Variants in CASP6 observed in about 807,000 individuals in gnomAD.
CASP6 encodes caspase 6.
Under a neutral mutation model 31.8 loss-of-function variants are expected in CASP6, and 20 were observed. The ratio of observed to expected loss-of-function variants is 0.63; its 90% CI spans 0.44 to 0.91. The LOEUF (loss-of-function observed/expected upper bound fraction) is 0.91, where lower values mean the gene tolerates loss of function less well. CASP6 is among the 40% of genes least tolerant of loss of function. CASP6 has a pLI of 0.00. For synonymous variants in CASP6, 130 were observed against 127.8 expected (o/e 1.02, Z -0.12); for missense variants, 328 against 361.1 (o/e 0.91, Z 0.74).
chr4:109,701,698 C>CG (rs1561263748), intron 1 of CASP6, among the ~76,000 whole-genome samples: 1 of 152,200 alleles, frequency 6.6e-6, no homozygotes, highest in African/African-American at 2.4e-5. Flanking sequence ...TCACCTCACT[C>CG]TAATTTGATA....
downstream of CASP6, chr4:109,684,826 T>C (rs779685425): frequency 3.9e-5 from 20 of 518,568 alleles, no homozygotes; most frequent in Non-Finnish European, 6.4e-5. Context: ...AGAGAAATTA[T>C]ATATAACTTC....
downstream of CASP6, chr4:109,684,702 A>C: frequency 3.6e-6 from 3 of 822,812 alleles, no homozygotes; most frequent in Non-Finnish European, 6.0e-6. Context: ...AGAATGTCTT[A>C]TCTAAGCAAT....
At chr4:109,687,576 T>C, downstream of CASP6, 1 of 1,608,062 alleles carries the variant, frequency 6.2e-7, no homozygotes, top group Non-Finnish European at 8.5e-7. Flanking sequence ...GTAGAAGAAC[T>C]CAATGAAAAG....
At chr4:109,700,654 G>A (rs1730392508) in intron 1 of CASP6, among the ~76,000 whole-genome samples, 2 of 152,014 alleles carry the variant, frequency 1.3e-5, no homozygotes, top group African/African-American at 4.8e-5. Flanking sequence ...CCTAGGCTCT[G>A]GACATCCCAA....
chr4:109,690,406 C>G (rs1362155142), intron 6 of CASP6, among the ~76,000 whole-genome samples: 2 of 151,704 alleles, frequency 1.3e-5, no homozygotes, highest in African/African-American at 4.8e-5. Context: ...GCCTATAGTC[C>G]CAGCTACAGG....
the CASP6 span, among the ~76,000 whole-genome samples, chr4:109,669,039 T>C: frequency 6.6e-6 from 1 of 152,140 alleles, no homozygotes; most frequent in Admixed American, 6.5e-5. Flanking sequence ...CATTATTCTT[T>C]TGAACCGACT....
intron 3 of CASP6, 133 bp from the exon 4 acceptor site, chr4:109,696,619 A>G (rs1343587746): frequency 1.7e-6 from 1 of 591,442 alleles, no homozygotes; most frequent in African/African-American, 1.9e-5. Context: ...AATGAAATAT[A>G]ACAATGGTGG....
chr4:109,681,672 G>A, the CASP6 span, among the ~76,000 whole-genome samples: 8 of 152,318 alleles, frequency 5.3e-5, no homozygotes, highest in South Asian at 8.3e-4. Flanking sequence ...GCACTTAGCC[G>A]TGCAGGAACA....
At chr4:109,676,686 A>G in the CASP6 span, among the ~76,000 whole-genome samples, 2 of 152,356 alleles carry the variant, frequency 1.3e-5, no homozygotes, top group Admixed American at 6.5e-5. Flanking sequence ...TTCTGCTGCA[A>G]TAGCAGAATA....
chr4:109,668,080 G>A, the CASP6 span, among the ~76,000 whole-genome samples: 14 of 152,122 alleles, frequency 9.2e-5, 1 homozygote, highest in East Asian at 2.7e-3. Context: ...TTGATGAGAT[G>A]TTCCCTGTGA....
intron 1 of CASP6, among the ~76,000 whole-genome samples, chr4:109,703,130 G>A (rs1477476892): frequency 2.6e-5 from 4 of 152,280 alleles, no homozygotes; most frequent in African/African-American, 9.6e-5. Flanking sequence ...ACCGCCAGGA[G>A]GCGGCAGCCA....
intron 5 of CASP6, 83 bp downstream of exon 5, chr4:109,694,442 C>T (rs894939039): frequency 1.6e-6 from 2 of 1,277,734 alleles, no homozygotes; most frequent in Non-Finnish European, 2.1e-6. Flanking sequence ...GAGAAAGTTA[C>T]TTTCAAAACT....
chr4:109,706,588 T>A (rs1730624266), upstream of CASP6, among the ~76,000 whole-genome samples: 1 of 152,126 alleles, frequency 6.6e-6, no homozygotes, highest in African/African-American at 2.4e-5. Context: ...GTGGATAAAA[T>A]GCTACCAAAC....
downstream of CASP6, among the ~76,000 whole-genome samples, chr4:109,684,083 C>T (rs1310896886): frequency 1.4e-5 from 2 of 138,140 alleles, no homozygotes; most frequent in Admixed American, 1.4e-4. Flanking sequence ...TTTTTTTTGA[C>T]GCAGAGTCTT....
At chr4:109,703,330 G>C (rs1454561621) in intron 1 of CASP6, 26 bp downstream of exon 1, 2 of 1,601,270 alleles carry the variant, frequency 1.2e-6, no homozygotes, top group Non-Finnish European at 1.7e-6. Context: ...GACCTGCTCG[G>C]TGCCCAGTCG....
downstream of CASP6, chr4:109,684,754 GT>G (rs1441157016): frequency 2.9e-5 from 18 of 620,268 alleles, no homozygotes; most frequent in Admixed American, 3.3e-4. Context: ...CTGCCATCTG[GT>G]TTTTATGAGC....
At chr4:109,686,482 T>C (rs1729840158), downstream of CASP6, among the ~76,000 whole-genome samples, 1 of 152,218 alleles carries the variant, frequency 6.6e-6, no homozygotes, top group African/African-American at 2.4e-5. Flanking sequence ...AGTCATTCTA[T>C]AGGAAAAATA....
At position 109,694,834 on chromosome 4, in the gene CASP6, CT is replaced by C; in HGVS notation, c.308-135del. On this transcript the variant is annotated intron_variant, in intron 4 of 6. Coordinates refer to ENST00000265164, the MANE Select transcript of CASP6 (RefSeq NM_001226.4). ...GGAGGAGGAAAATTTGTGGTTTTGTCTTTTTTGTTTTTTTGAGACAGAGTTT... is the reference window on the plus strand; with the variant it reads ...GGAGGAGGAAAATTTGTGGTTTTGTCTTTTTGTTTTTTTGAGACAGAGTTT... The C allele has an allele frequency of 3.3e-6, 3 of 905,994 alleles. No homozygotes were observed. The South Asian group carries it at 7.4e-5, about 22-fold the overall frequency. The allele number at this position is 905,994 out of a possible 1,614,324, so 56.1% of individuals were successfully genotyped here. A position where few individuals can be genotyped will look rare whatever the true frequency, so the allele number is the denominator to read the frequency against.
chr4:109,682,713 C>G, the CASP6 span: 1 of 1,613,784 alleles, frequency 6.2e-7, no homozygotes, highest in East Asian at 2.2e-5. Flanking sequence ...AATTGACCAC[C>G]TGAAGGAACA....
Sources: allele counts gnomAD v4.1 joint callset (sites outside exome capture counted in the v4.1 genomes callset), GRCh38; gene constraint gnomAD v4.1.1; transcripts MANE v1.5; gene names NCBI Gene and HGNC (gene_info 2026-07-23, HGNC 2026-07-21).